Variants in CC2D2A observed in about 807,000 individuals in gnomAD.
The protein encoded by CC2D2A is coiled-coil and C2 domain containing 2A.
CC2D2A carries 155 observed loss-of-function variants against 212.9 expected under a neutral mutation model. The ratio of observed to expected loss-of-function variants is 0.73; its 90% CI spans 0.64 to 0.83. The LOEUF (loss-of-function observed/expected upper bound fraction) is 0.83. CC2D2A is among the 40% of genes least tolerant of loss of function. The pLI is 0.00. For synonymous variants in CC2D2A, 667 were observed against 686.5 expected, an observed-to-expected ratio of 0.97 and a Z score of 0.44; for missense variants, 1,856 against 1,956.2, an observed-to-expected ratio of 0.95 and a Z score of 0.97.
intron 26 of CC2D2A, among the ~76,000 whole-genome samples, chr4:15,569,005 A>G (rs1266326716): frequency 6.6e-6 from 1 of 152,202 alleles, no homozygotes; most frequent in African/African-American, 2.4e-5. Flanking sequence ...AGTCCTGGCA[A>G]GCTGCCTCCT....
At chr4:15,562,214 A>C (rs1315206023) in intron 23 of CC2D2A, among the ~76,000 whole-genome samples, 1 of 152,204 alleles carries the variant, frequency 6.6e-6, no homozygotes, top group Non-Finnish European at 1.5e-5. Flanking sequence ...CCTCTTGCAA[A>C]GAGGGGCTCC....
At chr4:15,494,819 GC>G (rs1715520332) in intron 4 of CC2D2A, among the ~76,000 whole-genome samples, 1 of 152,080 alleles carries the variant, frequency 6.6e-6, no homozygotes, top group African/African-American at 2.4e-5. Flanking sequence ...TCAACTACAT[GC>G]TTTGATTGAC....
At position 15,597,440 on chromosome 4, in the gene CC2D2A, G is replaced by A; in HGVS notation, c.4471G>A (p.Ala1491Thr). ...EELIYQRSDKAAAAELQDRIE... is the reference protein window; with the variant it reads ...EELIYQRSDKTAAAELQDRIE... The stretch of plus-strand genomic sequence containing the variant: ...GCTAATTTACCAGCGCTCAGACAAA[G>A]CAGCTGCAGCTGAGCTACAAGACAG... The change falls in exon 35 of 37, where the codon GCA becomes ACA. Residue 1491 changes from alanine to threonine, a missense_variant. This residue lies in a region of CC2D2A where 285 missense variants were observed against 278.4 expected (regional missense o/e 1.02). Transcript: ENST00000424120. The A allele has an allele frequency of 6.4e-7, 1 of 1,553,470 alleles. No individual in the cohort carries two copies. The highest frequency in any genetic ancestry group is 1.2e-5 in the South Asian group (1 of 84,194).
intron 36 of CC2D2A, 104 bp from the exon 37 acceptor site, chr4:15,601,133 A>T: frequency 1.2e-6 from 1 of 817,768 alleles, no homozygotes; most frequent in Non-Finnish European, 1.8e-6. Context: ...ACAAGCAAAT[A>T]ACTGAGATCC....
chr4:15,559,234 A>G lies in CC2D2A; in HGVS notation c.2899A>G (p.Ile967Val), dbSNP rs895053103. 1.9e-6 allele frequency: 3 copies of G among 1,552,810 alleles called. No individual in the cohort carries two copies. The South Asian group carries it at 3.6e-5, about 19-fold the overall frequency. Residue 967 changes from isoleucine (I) to valine (V), a missense_variant, in exon 22 of 37, where the codon ATA becomes GTA. Physicochemically the swap from Ile to Val is conservative, Grantham distance 29. Coordinates refer to ENST00000424120, the MANE Select transcript of CC2D2A (RefSeq NM_001378615.1). ...TKEHIDTHRA[I>V]VAKYLQQVRE... is the part of the protein sequence containing the mutation. ...GGAACACATAGACACCCATAGGGCC[A>G]TAGTAGCCAAGTACCTCCAGCAGGT... is the stretch of plus-strand genomic sequence containing the variant.
chr4:15,585,565 A>G (rs1720824579), intron 30 of CC2D2A, among the ~76,000 whole-genome samples: 2 of 152,348 alleles, frequency 1.3e-5, no homozygotes, highest in South Asian at 4.1e-4. Flanking sequence ...CTGGTGTTCT[A>G]TTACACAGTA....
At chr4:15,593,218 T>C (rs1023422011) in intron 33 of CC2D2A, among the ~76,000 whole-genome samples, 1 of 152,188 alleles carries the variant, frequency 6.6e-6, no homozygotes, top group African/African-American at 2.4e-5. Context: ...AAGCCCTATG[T>C]ATGCAGTGCA....
chr4:15,559,091 G>GA, intron 21 of CC2D2A, 74 bp from the exon 22 acceptor site: 1 of 861,598 alleles, frequency 1.2e-6, no homozygotes, highest in Non-Finnish European at 1.8e-6. Flanking sequence ...TAAATCATAT[G>GA]TGATAAATAA....
intron 17 of CC2D2A, among the ~76,000 whole-genome samples, chr4:15,545,626 G>A (rs1313109613): frequency 6.6e-6 from 1 of 152,104 alleles, no homozygotes; most frequent in East Asian, 1.9e-4. Context: ...AGAATGCCAA[G>A]GCAGTTCTAC....
chr4:15,511,505 C>CAGGTTTCTCCTCAGCCACTTTCT, intron 8 of CC2D2A, 82 bp downstream of exon 8: 1 of 1,315,590 alleles, frequency 7.6e-7, no homozygotes, highest in Non-Finnish European at 1.0e-6. Flanking sequence ...AAGAAAGTGG[C>CAGGTTTCTCCTCAGCCACTTTCT]TGAGGAGAAA....
chr4:15,553,329 G>T, intron 19 of CC2D2A, 24 bp downstream of exon 19: 1 of 1,609,134 alleles, frequency 6.2e-7, no homozygotes, highest in South Asian at 1.1e-5. Flanking sequence ...AGAGTAAATT[G>T]ATGAGCAATG....
intron 1 of CC2D2A, among the ~76,000 whole-genome samples, chr4:15,475,509 G>A (rs887292039): frequency 8.5e-5 from 13 of 152,094 alleles, no homozygotes; most frequent in African/African-American, 2.9e-4. Flanking sequence ...AGGAGGTGGC[G>A]GTGGCTCCAT....
At chr4:15,479,281 T>C (rs368676191) in intron 3 of CC2D2A, 81 of 1,536,962 alleles carry the variant, frequency 5.3e-5, no homozygotes, top group Admixed American at 2.0e-5. Context: ...TCCGCAGGAG[T>C]TCCCCTCCTA....
At chr4:15,521,126 A>G (rs1045969467) in intron 11 of CC2D2A, among the ~76,000 whole-genome samples, 6 of 152,190 alleles carry the variant, frequency 3.9e-5, no homozygotes, top group Non-Finnish European at 8.8e-5. Flanking sequence ...AGGGGCTGAC[A>G]TCTTCCAAGG....
At chr4:15,557,227 C>A in intron 20 of CC2D2A, 77 bp from the exon 21 acceptor site, 1 of 861,040 alleles carries the variant, frequency 1.2e-6, no homozygotes, top group Non-Finnish European at 1.8e-6. Flanking sequence ...GTTAAATGTT[C>A]CTTGACACTC....
intron 4 of CC2D2A, among the ~76,000 whole-genome samples, chr4:15,496,167 C>A (rs1043878877): frequency 6.6e-6 from 1 of 152,110 alleles, no homozygotes; most frequent in Non-Finnish European, 1.5e-5. Context: ...AATATTTTCT[C>A]CCATTCTGTA....
chr4:15,507,894 A>C (rs1169016690), intron 6 of CC2D2A, among the ~76,000 whole-genome samples: 3 of 152,200 alleles, frequency 2.0e-5, no homozygotes, highest in African/African-American at 7.2e-5. Context: ...ATGAACACTC[A>C]GGAGAGGGAC....
chr4:15,547,543 A>C (rs1480902556), intron 17 of CC2D2A, among the ~76,000 whole-genome samples: 1 of 152,116 alleles, frequency 6.6e-6, no homozygotes, highest in Non-Finnish European at 1.5e-5. Flanking sequence ...CCCACATATG[A>C]GTGAGAGGCC....
intron 17 of CC2D2A, among the ~76,000 whole-genome samples, chr4:15,548,680 C>A (rs547177108): frequency 7.2e-5 from 11 of 151,970 alleles, no homozygotes; most frequent in Non-Finnish European, 1.5e-4. Context: ...AGAGGTCAAA[C>A]CAAGGTCTCC....
Sources: gnomAD v4.1 joint callset for allele counts (sites outside exome capture counted in the v4.1 genomes callset) on GRCh38, gnomAD v4.1.1 for gene constraint, gnomAD v4.1.1 regional missense constraint, MANE v1.5 for transcripts, NCBI Gene and HGNC (gene_info 2026-07-23, HGNC 2026-07-21) for gene names.